Variants in DGKB observed in about 807,000 individuals in gnomAD.
The protein encoded by DGKB is 90 kDa diacylglycerol kinase.
Under a neutral mutation model 114.3 loss-of-function variants are expected in DGKB, and 67 were observed. The ratio of observed to expected loss-of-function variants is 0.59; its 90% CI spans 0.48 to 0.72. The LOEUF (loss-of-function observed/expected upper bound fraction) is 0.72. DGKB is among the 30% of genes least tolerant of loss of function. The pLI, the probability that DGKB is intolerant of heterozygous loss-of-function variation, is 0.00. For synonymous variants in DGKB, 398 were observed against 323.1 expected (o/e 1.23, Z -2.49); for missense variants, 907 against 975.2 (o/e 0.93, Z 0.93).
chr7:14,574,180 G>A (rs1437921987), intron 20 of DGKB, 32 bp downstream of exon 20: 1 of 1,589,758 alleles, frequency 6.3e-7, no homozygotes, highest in African/African-American at 1.3e-5. Context: ...TACAGTACAG[G>A]TACAAAGGTA....
rs561046024 is a variant in DGKB at position 14,229,332 on chromosome 7, T to C, written c.2123-51181A>G. 1.6e-4 allele frequency among the ~76,000 whole-genome samples: 24 copies of C among 152,120 alleles called. No homozygotes were observed. In the East Asian group the frequency reaches 4.7e-3, roughly 30 times the overall value. On this transcript the variant is annotated intron_variant, in intron 23 of 25. Coordinates refer to ENST00000402815, the MANE Select transcript of DGKB (RefSeq NM_001350709.2). ...ATCAAAGAGTGTACTTACACAAATA[T>C]AGATGGTATAGTTTACTACAAACCT... is the stretch of plus-strand genomic sequence containing the variant.
chr7:14,754,201 G>GC (rs1166384103), intron 3 of DGKB, among the ~76,000 whole-genome samples: 1 of 152,002 alleles, frequency 6.6e-6, no homozygotes, highest in African/African-American at 2.4e-5. Flanking sequence ...TCGGGGGGAG[G>GC]CAGGCAGCAA....
chr7:14,657,307 C>T (rs914747873), intron 13 of DGKB, among the ~76,000 whole-genome samples: 1 of 151,730 alleles, frequency 6.6e-6, no homozygotes, highest in African/African-American at 2.4e-5. Flanking sequence ...AGGCAGCTAT[C>T]CTTTATGAAT....
chr7:14,574,528 T>C (rs111240500), intron 19 of DGKB, among the ~76,000 whole-genome samples, 156 bp from the exon 20 acceptor site: 19 of 152,330 alleles, frequency 1.2e-4, no homozygotes, highest in African/African-American at 4.1e-4. Context: ...AATTATAAGA[T>C]TATACTCATA....
chr7:14,417,112 G>A (rs1222032981), intron 21 of DGKB, among the ~76,000 whole-genome samples: 2 of 152,142 alleles, frequency 1.3e-5, no homozygotes, highest in East Asian at 3.9e-4. Context: ...AAATTAACTT[G>A]TGACCTTCAG....
chr7:14,770,541 G>A (rs1013229090), intron 2 of DGKB, among the ~76,000 whole-genome samples: 2 of 152,130 alleles, frequency 1.3e-5, no homozygotes, highest in Non-Finnish European at 2.9e-5. Flanking sequence ...CAAAGCTCAT[G>A]AGAGAAGTTT....
chr7:14,930,102 A>G (rs975496897), intron 1 of DGKB, among the ~76,000 whole-genome samples: 1 of 152,124 alleles, frequency 6.6e-6, no homozygotes, highest in African/African-American at 2.4e-5. Context: ...TTACACCAGT[A>G]CCATGCTGTT....
At chr7:14,696,899 T>C (rs141200016) in intron 8 of DGKB, among the ~76,000 whole-genome samples, 1,685 of 152,322 alleles carry the variant, frequency 0.011, 30 homozygotes, top group African/African-American at 0.038. Context: ...TCTTGCAGCA[T>C]ATACTCATGC....
At position 14,212,956 on chromosome 7, in the gene DGKB, G is replaced by T. The variant is rs79596034; in HGVS notation, c.2123-34805C>A. Among the ~76,000 whole-genome samples the T allele has an allele frequency of 1.4e-3, 218 of 151,996 alleles. 1 individual carries two copies. Among genetic ancestry groups the T allele is most frequent in the African/African-American group, 5.1e-3 (210 of 41,486 alleles). ...TACTTTATAAAAAATGGCAATAATT[G>T]TCCTTTCATCATCACTCCTAATCCT... On this transcript the variant is annotated intron_variant, in intron 23 of 25. Transcript: ENST00000402815.
At chr7:14,237,041 T>A (rs1198464500) in intron 23 of DGKB, among the ~76,000 whole-genome samples, 1 of 151,992 alleles carries the variant, frequency 6.6e-6, no homozygotes, top group East Asian at 1.9e-4. Context: ...AACTTCTTTC[T>A]GTTATTGCTT....
chr7:14,947,704 G>T (rs1332530042), intron 1 of DGKB, among the ~76,000 whole-genome samples: 1 of 151,656 alleles, frequency 6.6e-6, no homozygotes, highest in East Asian at 1.9e-4. Flanking sequence ...TCAAATAGAA[G>T]TTGGGGAAAG....
intron 1 of DGKB, among the ~76,000 whole-genome samples, chr7:14,893,309 G>GCAACATC (rs1781585227): frequency 6.6e-6 from 1 of 151,400 alleles, no homozygotes; most frequent in Middle Eastern, 3.4e-3. Flanking sequence ...TAACCTCTCA[G>GCAACATC]CAACATCCAA....
chr7:14,946,912 T>A (rs1025850305), intron 1 of DGKB, among the ~76,000 whole-genome samples: 1 of 151,762 alleles, frequency 6.6e-6, no homozygotes, highest in African/African-American at 2.4e-5. Flanking sequence ...TATTACCTGA[T>A]ATAAATAATT....
intron 21 of DGKB, among the ~76,000 whole-genome samples, chr7:14,374,157 A>G (rs1168339027): frequency 1.3e-5 from 2 of 152,074 alleles, no homozygotes; most frequent in Non-Finnish European, 2.9e-5. Context: ...TCTACTATCA[A>G]TAGCTCCCCA....
chr7:14,548,779 G>A (rs891584353), intron 20 of DGKB, among the ~76,000 whole-genome samples: 13 of 152,024 alleles, frequency 8.6e-5, no homozygotes, highest in African/African-American at 2.4e-4. Flanking sequence ...TAGGAGGCAC[G>A]GTGATTGCAA....
intron 20 of DGKB, among the ~76,000 whole-genome samples, chr7:14,529,214 A>G (rs964338066): frequency 1.2e-4 from 19 of 152,018 alleles, no homozygotes; most frequent in African/African-American, 4.6e-4. Context: ...CTAAGAATTC[A>G]TTTGATGTAG....
intron 21 of DGKB, among the ~76,000 whole-genome samples, chr7:14,366,302 A>T (rs1209988908): frequency 6.6e-6 from 1 of 152,170 alleles, no homozygotes; most frequent in Non-Finnish European, 1.5e-5. Context: ...AAATTTTACC[A>T]TTCAGTGTAT....
In DGKB at chr7:14,327,129, C is replaced by T. The variant is rs1397232344; in HGVS notation, c.2122+11386G>A. Among the ~76,000 whole-genome samples, 15 of 152,064 alleles carry T rather than the reference C, an allele frequency of 9.9e-5. 1 individual carries two copies. The South Asian group carries it at 1.2e-3, about 13-fold the overall frequency. On this transcript the variant is annotated intron_variant, in intron 23 of 25. Coordinates refer to ENST00000402815, the MANE Select transcript of DGKB (RefSeq NM_001350709.2). ...TAACAGAATGGCTCTTGAATTGCAA[C>T]GGAAGTTAAATTTCAGTATCTACCA...
chr7:14,160,804 T>C (rs1163993559), intron 25 of DGKB, among the ~76,000 whole-genome samples: 1 of 152,196 alleles, frequency 6.6e-6, no homozygotes, highest in Non-Finnish European at 1.5e-5. Context: ...AGAGCCCGTA[T>C]AGCCAAGACA....
Sources: gnomAD v4.1 joint callset for allele counts (sites outside exome capture counted in the v4.1 genomes callset) on GRCh38, gnomAD v4.1.1 for gene constraint, MANE v1.5 for transcripts, NCBI Gene and HGNC (gene_info 2026-07-23, HGNC 2026-07-21) for gene names.